Variants in B3GALT1 observed in about 807,000 individuals in gnomAD.
B3GALT1 encodes the protein UDP-Gal:betaGlcNAc beta 1,3-galactosyltransferase, polypeptide 1.
A neutral mutation model predicts 23.2 loss-of-function variants in B3GALT1; 10 were observed. The observed-to-expected ratio is 0.43, with a 90% CI of 0.27 to 0.73. The LOEUF is 0.73. Among genes scored for constraint, B3GALT1 ranks in the 30% least tolerant of loss-of-function variants. B3GALT1 has a pLI of 0.21. For missense variants in B3GALT1, 299 were observed against 405.4 expected, an observed-to-expected ratio of 0.74 and a Z score of 2.25; for synonymous variants, 156 against 141.5, an observed-to-expected ratio of 1.10 and a Z score of -0.73.
chr2:167,620,215 G>T (rs1685231309), intron 2 of B3GALT1, among the ~76,000 whole-genome samples: 1 of 151,998 alleles, frequency 6.6e-6, no homozygotes, highest in Non-Finnish European at 1.5e-5. Context: ...GTGTGTGAGA[G>T]ACTGCAGGTA....
chr2:167,350,061 G>A (rs1339987585), intron 1 of B3GALT1, among the ~76,000 whole-genome samples: 1 of 151,974 alleles, frequency 6.6e-6, no homozygotes, highest in East Asian at 1.9e-4. Context: ...AACCAATTGG[G>A]GACTAATAAG....
At chr2:167,838,357 C>T (rs1203928303) in intron 4 of B3GALT1, among the ~76,000 whole-genome samples, 1 of 152,274 alleles carries the variant, frequency 6.6e-6, no homozygotes, top group Non-Finnish European at 1.5e-5. Context: ...CACCACCGAT[C>T]CCACAGAAAT....
At chr2:167,410,231 C>T (rs370242661) in intron 1 of B3GALT1, among the ~76,000 whole-genome samples, 3 of 151,926 alleles carry the variant, frequency 2.0e-5, no homozygotes, top group Non-Finnish European at 4.4e-5. Context: ...TGGCCGGGTG[C>T]GGTGGCTCAC....
intron 2 of B3GALT1, among the ~76,000 whole-genome samples, chr2:167,560,632 C>CA (rs955052790): frequency 7.3e-5 from 11 of 150,838 alleles, no homozygotes; most frequent in Middle Eastern, 3.4e-3. Context: ...AAATGGAAAA[C>CA]AAAAAAAGGC....
At chr2:167,571,173 G>A (rs190681145) in intron 2 of B3GALT1, among the ~76,000 whole-genome samples, 282 of 151,900 alleles carry the variant, frequency 1.9e-3, no homozygotes, top group Non-Finnish European at 3.4e-3. Context: ...CCACAGATGG[G>A]AATTTCAACA....
chr2:167,683,826 C>T (rs765670027), intron 3 of B3GALT1, among the ~76,000 whole-genome samples: 17 of 152,108 alleles, frequency 1.1e-4, no homozygotes, highest in Non-Finnish European at 2.4e-4. Context: ...AACTATGTTT[C>T]GAAAGAACTT....
At chr2:167,404,488 T>G (rs1406169039) in intron 1 of B3GALT1, among the ~76,000 whole-genome samples, 3 of 152,202 alleles carry the variant, frequency 2.0e-5, no homozygotes. Flanking sequence ...TTGTAGTGTT[T>G]TGGGCTTTGT....
chr2:167,426,918 C>G (rs1395159689), intron 1 of B3GALT1, among the ~76,000 whole-genome samples: 1 of 152,206 alleles, frequency 6.6e-6, no homozygotes, highest in East Asian at 1.9e-4. Flanking sequence ...TATATACGTT[C>G]ATTGCAACAT....
chr2:167,344,898 G>A lies in B3GALT1; in HGVS notation c.-511+51564G>A, dbSNP rs1024359129. Among the ~76,000 whole-genome samples, 3 of 152,092 alleles carry A rather than the reference G, an allele frequency of 2.0e-5. No individual in the cohort carries two copies. In the East Asian group the frequency reaches 5.8e-4, roughly 29 times the overall value. ...CAGTCATATGAATGTGGAGACTAAA[G>A]GTATTAAGCAAGATAAGGTTAGTGA... On this transcript the variant is annotated intron_variant, in intron 1 of 4. Coordinates refer to ENST00000392690, the MANE Select transcript of B3GALT1 (RefSeq NM_020981.4).
At chr2:167,531,796 T>C (rs967385338) in intron 2 of B3GALT1, among the ~76,000 whole-genome samples, 2 of 152,200 alleles carry the variant, frequency 1.3e-5, no homozygotes, top group African/African-American at 4.8e-5. Context: ...TGCAAACATC[T>C]AATTTCAATA....
chr2:167,764,325 T>C (rs768396389), intron 3 of B3GALT1, among the ~76,000 whole-genome samples: 3 of 152,224 alleles, frequency 2.0e-5, no homozygotes, highest in African/African-American at 4.8e-5. Flanking sequence ...CTTTCAATTA[T>C]GTGACATAGT....
intron 2 of B3GALT1, among the ~76,000 whole-genome samples, chr2:167,524,719 A>G (rs1218301513): frequency 6.6e-6 from 1 of 152,216 alleles, no homozygotes; most frequent in Non-Finnish European, 1.5e-5. Context: ...CTCCCAGAAG[A>G]CAAACACCTT....
chr2:167,480,470 C>G (rs1699547907), intron 1 of B3GALT1, among the ~76,000 whole-genome samples: 1 of 152,194 alleles, frequency 6.6e-6, no homozygotes, highest in Non-Finnish European at 1.5e-5. Flanking sequence ...GCTGCCCACT[C>G]TGCAGCTTTG....
At chr2:167,402,312 A>T (rs1698205467) in intron 1 of B3GALT1, among the ~76,000 whole-genome samples, 1 of 152,128 alleles carries the variant, frequency 6.6e-6, no homozygotes, top group South Asian at 2.1e-4. Flanking sequence ...TAATAAAAAA[A>T]GTTTTAGTTT....
intron 1 of B3GALT1, among the ~76,000 whole-genome samples, chr2:167,463,577 C>G (rs1699299265): frequency 6.6e-6 from 1 of 152,156 alleles, no homozygotes; most frequent in Non-Finnish European, 1.5e-5. Flanking sequence ...TAATCACTTA[C>G]TTGACCATTT....
chr2:167,690,666 C>G (rs1236728097), intron 3 of B3GALT1, among the ~76,000 whole-genome samples: 1 of 152,074 alleles, frequency 6.6e-6, no homozygotes, highest in African/African-American at 2.4e-5. Context: ...CTGTTATTTA[C>G]AAGAGCTGAA....
chr2:167,864,673 C>A (rs1338159073), intron 4 of B3GALT1, among the ~76,000 whole-genome samples: 1 of 152,176 alleles, frequency 6.6e-6, no homozygotes, highest in African/African-American at 2.4e-5. Context: ...TCTCAACAGG[C>A]CTTAGGAAGC....
intron 3 of B3GALT1, among the ~76,000 whole-genome samples, chr2:167,761,500 CA>C (rs1333626836): frequency 6.6e-6 from 1 of 152,058 alleles, no homozygotes; most frequent in Non-Finnish European, 1.5e-5. Flanking sequence ...GGTTGTTTGG[CA>C]ATACTATAAA....
rs1292659466 is a variant in B3GALT1 at position 167,512,558 on chromosome 2, A to ATATATATG, written c.-410+22288_-410+22289insGTATATAT. Among the ~76,000 whole-genome samples the ATATATATG allele has an allele frequency of 3.7e-3, 315 of 85,600 alleles. 9 individuals carry two copies. Among genetic ancestry groups the ATATATATG allele is most frequent in the African/African-American group, 0.016 (308 of 18,944 alleles). 56.2% of individuals were successfully genotyped at this position (85,600 alleles called of 152,430 possible). A position where few individuals can be genotyped will look rare whatever the true frequency, so the allele number is the denominator to read the frequency against. ...TGTATATATATATGTATATATATGT[A>ATATATATG]TATATATATGTATATATATATGTAT... On this transcript the variant is annotated intron_variant, in intron 2 of 4. Coordinates refer to ENST00000392690, the MANE Select transcript of B3GALT1 (RefSeq NM_020981.4).
Sources: gnomAD v4.1 joint callset for allele counts (sites outside exome capture counted in the v4.1 genomes callset) on GRCh38, gnomAD v4.1.1 for gene constraint, MANE v1.5 for transcripts, NCBI Gene and HGNC (gene_info 2026-07-23, HGNC 2026-07-21) for gene names.